Variants in PSG6 observed in about 807,000 individuals in gnomAD.
PSG6 encodes pregnancy-specific beta-1-glycoprotein 6.
PSG6 carries 51 observed loss-of-function variants against 43.3 expected under a neutral mutation model. The observed-to-expected ratio is 1.18, with a 90% CI of 0.94 to 1.49. The LOEUF is 1.49. PSG6 is among the 40% of genes most tolerant of loss of function. PSG6 has a pLI of 0.00. For synonymous variants in PSG6, 292 were observed against 197.6 expected (o/e 1.48, Z -4.01); for missense variants, 770 against 522.2 (o/e 1.47, Z -4.62).
rs1357964376 is a variant in PSG6, at chr19:42,916,423, G to A, written c.129C>T (p.Pro43=). The A allele has an allele frequency of 6.2e-7, 1 of 1,611,904 alleles. No homozygotes were observed. The highest frequency in any genetic ancestry group is 1.3e-5 in the African/African-American group (1 of 74,644). ...GAACATCCTTCCCCTCGGAAACTTTGGGTGGCTTGGCTTCAATTATTACTT... is the reference window on the plus strand; with the variant it reads ...GAACATCCTTCCCCTCGGAAACTTTAGGTGGCTTGGCTTCAATTATTACTT... The part of the protein sequence containing the change: ...TAQVIIEAKP[P]KVSEGKDVLL... Residue 43 remains proline (P), a synonymous_variant, in exon 2 of 6, where the codon CCC becomes CCT. Transcript: ENST00000187910.
rs576861782 is a variant in PSG6, at chr19:42,914,629, A to G, written c.427+1496T>C. Among the ~76,000 whole-genome samples the G allele has an allele frequency of 1.3e-4, 20 of 151,490 alleles. 1 individual carries two copies. Among genetic ancestry groups the G allele is most frequent in the African/African-American group, 3.9e-4 (16 of 41,312 alleles). ...TCAAGAGGTAGTGGGGGGATGAAAC[A>G]TGGGTGTCAGCCTCTGAAGGACAAG... is the stretch of plus-strand genomic sequence containing the variant. On this transcript the variant is annotated intron_variant, in intron 2 of 5. Transcript: ENST00000187910.
At chr19:42,911,895 A>G (rs922519252) in intron 2 of PSG6, among the ~76,000 whole-genome samples, 9 of 151,518 alleles carry the variant, frequency 5.9e-5, no homozygotes, top group Admixed American at 5.3e-4. Context: ...GTTTGCAGCA[A>G]CTGAAATCAC....
chr19:42,916,636 G>A, intron 1 of PSG6, 149 bp from the exon 2 acceptor site: 1 of 1,234,904 alleles, frequency 8.1e-7, no homozygotes, highest in Non-Finnish European at 1.1e-6. Flanking sequence ...AAAAGGGCAT[G>A]TGTGTTTGTG....
Position 42,916,293 on chromosome 19 carries a change from G to C in PSG6, c.259C>G (p.Gln87Glu), listed in dbSNP as rs140306428. The part of the protein sequence containing the change: ...HYITSYVVHG[Q>E]IIYGPAYSGR... ...CTGTAGGCAGGCCCATATATAATTT[G>C]ACCGTGTACTACATATGATGTAATG... Residue 87 changes from glutamine (Q) to glutamate (E), a missense_variant, in exon 2 of 6, where the codon CAA becomes GAA. Gln to Glu is a conservative substitution (Grantham distance 29). Coordinates refer to ENST00000187910, the MANE Select transcript of PSG6 (RefSeq NM_001031850.4). 3.6e-5 allele frequency: 58 copies of C among 1,611,966 alleles called. No homozygotes were observed. The African/African-American group carries it at 6.3e-4, about 17-fold the overall frequency.
intron 2 of PSG6, 35 bp from the exon 3 acceptor site, chr19:42,910,893 G>A (rs775821451): frequency 2.5e-6 from 4 of 1,571,468 alleles, no homozygotes; most frequent in Non-Finnish European, 3.5e-6. Flanking sequence ...TGCCCTGTGT[G>A]GCACCTTTGA....
intron 5 of PSG6, among the ~76,000 whole-genome samples, chr19:42,902,863 T>G (rs116896444): frequency 0.02 from 3,010 of 151,658 alleles, 102 homozygotes; most frequent in African/African-American, 0.033. Flanking sequence ...TCTCCCACAA[T>G]TAGTCAGTAA....
intron 1 of PSG6, among the ~76,000 whole-genome samples, chr19:42,917,253 C>G (rs1416750090): frequency 1.3e-5 from 2 of 151,398 alleles, no homozygotes; most frequent in African/African-American, 4.9e-5. Context: ...CTTACCAATT[C>G]CGGTTCAATG....
At position 42,902,091 on chromosome 19, in the gene PSG6, T is replaced by A. The variant is rs916261074; in HGVS notation, c.*321A>T. 7.9e-6 allele frequency: 2 copies of A among 254,284 alleles called. No individual in the cohort carries two copies. The highest frequency in any genetic ancestry group is 1.5e-5 in the Non-Finnish European group (2 of 130,946). The allele number at this position is 254,284 out of a possible 1,614,324, so 15.8% of individuals were successfully genotyped here. On this transcript the variant is annotated 3_prime_UTR_variant, in exon 6 of 6. Coordinates refer to ENST00000187910, the MANE Select transcript of PSG6 (RefSeq NM_001031850.4). ...TAAAGAGAGCAGATTCTTACTGAAC[T>A]TGTGCAAATAACTTTATTACCATAA... is the stretch of plus-strand genomic sequence containing the variant.
At chr19:42,910,460 C>A in intron 3 of PSG6, 120 bp downstream of exon 3, 2 of 1,609,608 alleles carry the variant, frequency 1.2e-6, no homozygotes, top group Non-Finnish European at 1.7e-6. Context: ...TCATGGCCAG[C>A]TTTGATGTTC....
At chr19:42,902,519 C>A (rs772819643) in intron 5 of PSG6, 73 bp from the exon 6 acceptor site, 3 of 1,582,692 alleles carry the variant, frequency 1.9e-6, no homozygotes, top group Non-Finnish European at 2.6e-6. Context: ...TTCTTTCCCA[C>A]AGGCTCCCAG....
At position 42,907,798 on chromosome 19, in the gene PSG6, CCTT is replaced by C. The variant is rs1300872318; in HGVS notation, c.760_762del (p.Lys254del). 6.2e-7 allele frequency: 1 copy of C among 1,611,226 alleles called. No homozygotes were observed. Among genetic ancestry groups the C allele is most frequent in the Non-Finnish European group, 8.5e-7 (1 of 1,179,096 alleles). On this transcript the variant is annotated inframe_deletion, in exon 4 of 6. Coordinates refer to ENST00000187910, the MANE Select transcript of PSG6 (RefSeq NM_001031850.4). ...GGTTCACAGGTGAAGGCTAACACATCCTTCTTCTCCCTGGGGTTTAAGTTGTTG... is the reference window on the plus strand; with the variant it reads ...GGTTCACAGGTGAAGGCTAACACATCCTTCTCCCTGGGGTTTAAGTTGTTG...
At chr19:42,913,906 GA>G (rs1972274279) in intron 2 of PSG6, among the ~76,000 whole-genome samples, 1 of 151,550 alleles carries the variant, frequency 6.6e-6, no homozygotes, top group Admixed American at 6.6e-5. Context: ...AACTATCCTT[GA>G]AAATCTCTAA....
At chr19:42,908,502 G>A (rs1244264630) in intron 3 of PSG6, among the ~76,000 whole-genome samples, 2 of 151,710 alleles carry the variant, frequency 1.3e-5, no homozygotes, top group African/African-American at 4.8e-5. Flanking sequence ...TAAAGATAGA[G>A]CAGAGTGCAA....
At chr19:42,905,526 AAATT>A (rs1429629431) in intron 5 of PSG6, among the ~76,000 whole-genome samples, 3 of 151,670 alleles carry the variant, frequency 2.0e-5, no homozygotes, top group Non-Finnish European at 4.4e-5. Context: ...GTTTTTCAAA[AAATT>A]AAACAATAAA....
Position 42,910,387 on chromosome 19 carries a change from A to C in PSG6, c.706+193T>G, listed in dbSNP as rs367869828. ...GAACCTGAGTCTCCCATGACAGGAG[A>C]AGCCTCTTCTCTCTTATTGTTGATC... On this transcript the variant is annotated intron_variant, in intron 3 of 5. Transcript: ENST00000187910. The C allele has an allele frequency of 6.1e-5, 86 of 1,411,092 alleles. 1 individual carries two copies. The African/African-American group carries it at 9.0e-4, about 15-fold the overall frequency. The allele number at this position is 1,411,092 out of a possible 1,614,324, so 87.4% of individuals were successfully genotyped here. A position where few individuals can be genotyped will look rare whatever the true frequency, so the allele number is the denominator to read the frequency against.
chr19:42,911,045 C>G (rs115797147), intron 2 of PSG6, among the ~76,000 whole-genome samples, 187 bp from the exon 3 acceptor site: 1 of 151,514 alleles, frequency 6.6e-6, no homozygotes, highest in African/African-American at 2.4e-5. Flanking sequence ...AGGCTGCCTG[C>G]TTTATGTAGG....
At position 42,916,189 on chromosome 19, in the gene PSG6, T is replaced by A. The variant is rs1270343307; in HGVS notation, c.363A>T (p.Leu121Phe). The A allele has an allele frequency of 8.7e-6, 14 of 1,612,026 alleles. 1 individual carries two copies. The African/African-American group carries it at 1.9e-4, about 22-fold the overall frequency. ...TCCCATCGCCTCGCTTTATGATGTGTAAGGTGTAGGATCCTGCATCCTCCT... is the reference window on the plus strand; with the variant it reads ...TCCCATCGCCTCGCTTTATGATGTGAAAGGTGTAGGATCCTGCATCCTCCT... ...VTQEDAGSYT[L>F]HIIKRGDGTG... The change falls in exon 2 of 6, where the codon TTA (leucine) becomes TTT (phenylalanine). Residue 121 changes from leucine (L) to phenylalanine (F), a missense_variant. Coordinates refer to ENST00000187910, the MANE Select transcript of PSG6 (RefSeq NM_001031850.4).
chr19:42,903,554 T>G, intron 5 of PSG6: 1 of 1,368,010 alleles, frequency 7.3e-7, no homozygotes, highest in Non-Finnish European at 9.6e-7. Context: ...TTAACTAGAT[T>G]GGCTAAGAAA....
intron 5 of PSG6, chr19:42,903,612 T>A (rs1428216526): frequency 7.0e-7 from 1 of 1,424,216 alleles, no homozygotes; most frequent in East Asian, 2.8e-5. Context: ...AAATGGACTC[T>A]GAGCATGGTG....
Sources: gnomAD v4.1 joint callset for allele counts (sites outside exome capture counted in the v4.1 genomes callset) on GRCh38, gnomAD v4.1.1 for gene constraint, MANE v1.5 for transcripts, NCBI Gene and HGNC (gene_info 2026-07-23, HGNC 2026-07-21) for gene names.